MYT1L: variants seen among roughly 807,000 people sequenced by gnomAD.
MYT1L encodes myelin transcription factor 1 like.
Under a neutral mutation model 126.7 loss-of-function variants are expected in MYT1L, and 12 were observed. The observed-to-expected ratio is 0.09, with a 90% CI of 0.06 to 0.15. The LOEUF (loss-of-function observed/expected upper bound fraction) is 0.15, where lower values mean the gene tolerates loss of function less well. Among genes scored for constraint, MYT1L ranks in the 10% least tolerant of loss-of-function variants. The pLI, the probability that MYT1L is intolerant of heterozygous loss-of-function variation, is 1.00. For missense variants in MYT1L, 979 were observed against 1,585.2 expected (o/e 0.62, Z 6.49); for synonymous variants, 541 against 604.2 (o/e 0.90, Z 1.53).
intron 21 of MYT1L, among the ~76,000 whole-genome samples, chr2:1,830,273 GTTCTC>G (rs745827164): frequency 4.6e-5 from 7 of 152,166 alleles, no homozygotes; most frequent in Non-Finnish European, 1.0e-4. Context: ...CAGGCAGGAA[GTTCTC>G]TTCTCTTTGC....
chr2:2,256,643 C>G (rs1029758451), intron 2 of MYT1L, among the ~76,000 whole-genome samples: 8 of 152,204 alleles, frequency 5.3e-5, no homozygotes, highest in Non-Finnish European at 8.8e-5. Flanking sequence ...TTCGAAGAAA[C>G]TGAGTGCAGG....
At chr2:2,279,828 G>A (rs534391069) in intron 2 of MYT1L, among the ~76,000 whole-genome samples, 2 of 152,268 alleles carry the variant, frequency 1.3e-5, no homozygotes, top group East Asian at 3.9e-4. Context: ...TCTTTCACTA[G>A]CTTCTTCTAA....
chr2:1,881,591 T>C (rs1053292386), intron 18 of MYT1L, among the ~76,000 whole-genome samples: 1 of 152,050 alleles, frequency 6.6e-6, no homozygotes, highest in Non-Finnish European at 1.5e-5. Context: ...AAAATGTAAA[T>C]GGTAGCACTG....
At position 1,943,454 on chromosome 2, in the gene MYT1L, C is replaced by T. The variant is rs2056891153; in HGVS notation, c.153-120G>A. The T allele has an allele frequency of 8.6e-7, 1 of 1,168,696 alleles. No individual in the cohort carries two copies. The highest frequency in any genetic ancestry group is 1.2e-6 in the Non-Finnish European group (1 of 859,618). 72.4% of individuals were successfully genotyped at this position (1,168,696 alleles called of 1,614,324 possible). A position where few individuals can be genotyped will look rare whatever the true frequency, so the allele number is the denominator to read the frequency against. On this transcript the variant is annotated intron_variant, in intron 8 of 24. Coordinates refer to ENST00000647738, the MANE Select transcript of MYT1L (RefSeq NM_001303052.2). This position sits in a 1 kb window ranked among gnomAD's most constrained non-coding sequence, Gnocchi z 4.4. ...GTACTTAAAGGCTTATCATGAATGTCATCAGCACAAACACCAGAGAGACAT... is the reference window on the plus strand; with the variant it reads ...GTACTTAAAGGCTTATCATGAATGTTATCAGCACAAACACCAGAGAGACAT...
rs960458325 is a variant in MYT1L, at chr2:1,929,410, G to A, written c.506-6147C>T. Among the ~76,000 whole-genome samples, 3 of 152,102 alleles carry A rather than the reference G, an allele frequency of 2.0e-5. No individual in the cohort carries two copies. Among genetic ancestry groups the A allele is most frequent in the Non-Finnish European group, 2.9e-5 (2 of 68,030 alleles). Reference sequence around the variant, plus strand: ...CTAACTCAGAGCCCTGCAGTTCAACGCAGGTGAAAGGGGAACATGGAGGGT... The same window carrying A: ...CTAACTCAGAGCCCTGCAGTTCAACACAGGTGAAAGGGGAACATGGAGGGT... On this transcript the variant is annotated intron_variant, in intron 9 of 24. Transcript: ENST00000647738. This position sits in a 1 kb window ranked among gnomAD's most constrained non-coding sequence, Gnocchi z 4.7.
chr2:2,092,866 G>A (rs1356454154), intron 3 of MYT1L, among the ~76,000 whole-genome samples: 1 of 152,190 alleles, frequency 6.6e-6, no homozygotes, highest in Admixed American at 6.5e-5. Flanking sequence ...AAAGACCCTT[G>A]TTTATGGTAT....
intron 5 of MYT1L, among the ~76,000 whole-genome samples, chr2:1,992,120 G>A (rs1484411468): frequency 6.6e-6 from 1 of 151,950 alleles, no homozygotes; most frequent in African/African-American, 2.4e-5. Context: ...CTTCCTCACC[G>A]TTTTGCAAAT....
At chr2:2,151,672 T>C (rs778736563) in intron 3 of MYT1L, among the ~76,000 whole-genome samples, 1 of 152,202 alleles carries the variant, frequency 6.6e-6, no homozygotes, top group African/African-American at 2.4e-5. Flanking sequence ...TTTTCCTATA[T>C]ATACATACCT....
intron 18 of MYT1L, among the ~76,000 whole-genome samples, chr2:1,870,383 G>A (rs1172444856): frequency 6.6e-6 from 1 of 152,128 alleles, no homozygotes; most frequent in Non-Finnish European, 1.5e-5. Context: ...GCTATGGAAA[G>A]GTCATGAATG....
At chr2:1,949,783 A>G (rs4241293) in intron 8 of MYT1L, among the ~76,000 whole-genome samples, 46,009 of 152,038 alleles carry the variant, frequency 0.3, 7,600 homozygotes, top group African/African-American at 0.45. Flanking sequence ...CTCTCCCACC[A>G]GAGAGCGGGG....
chr2:2,108,403 A>G (rs1231366417), intron 3 of MYT1L, among the ~76,000 whole-genome samples: 2 of 152,170 alleles, frequency 1.3e-5, no homozygotes, highest in African/African-American at 2.4e-5. Flanking sequence ...ACTCTATTCT[A>G]TGGAGGTTTT....
chr2:2,091,408 T>A (rs1026376459), intron 3 of MYT1L, among the ~76,000 whole-genome samples: 1 of 152,210 alleles, frequency 6.6e-6, no homozygotes, highest in Admixed American at 6.5e-5. Flanking sequence ...AACAGTAGGC[T>A]TGAAGTATTT....
At chr2:2,087,211 T>G (rs1303508360) in intron 3 of MYT1L, among the ~76,000 whole-genome samples, 4 of 152,242 alleles carry the variant, frequency 2.6e-5, no homozygotes, top group Middle Eastern at 3.4e-3. Flanking sequence ...TGATTACAGG[T>G]AGAGGCCAGG....
chr2:1,856,366 G>C (rs76086005), intron 18 of MYT1L, among the ~76,000 whole-genome samples: 1,670 of 152,316 alleles, frequency 0.011, 30 homozygotes, highest in African/African-American at 0.039. Flanking sequence ...GAGGTCATAA[G>C]ATGTGTCGGC....
At chr2:1,994,587 C>G (rs577970987) in intron 5 of MYT1L, among the ~76,000 whole-genome samples, 4 of 152,306 alleles carry the variant, frequency 2.6e-5, no homozygotes, top group South Asian at 4.1e-4. Flanking sequence ...GAAAAAAGCT[C>G]TCTTTGATAG....
chr2:1,917,305 A>G lies in MYT1L; in HGVS notation c.1518T>C (p.Cys506=), dbSNP rs371346121. The G allele has an allele frequency of 1.9e-6, 3 of 1,612,814 alleles. No individual in the cohort carries two copies. Among genetic ancestry groups the G allele is most frequent in the Non-Finnish European group, 1.7e-6 (2 of 1,178,998 alleles). The part of the protein sequence containing the change: ...PSRTEKKESK[C]PTPGCDGTGH... The stretch of plus-strand genomic sequence containing the variant: ...CGGTTCCATCACACCCGGGGGTTGG[A>G]CACTTGCTCTCTTTCTTTTCTGTTC... Residue 506 remains cysteine (C), a synonymous_variant, in exon 11 of 25, where the codon TGT becomes TGC. Coordinates refer to ENST00000647738, the MANE Select transcript of MYT1L (RefSeq NM_001303052.2). This position sits in a 1 kb window ranked among gnomAD's most constrained non-coding sequence, Gnocchi z 5.9.
At chr2:1,817,901 T>C (rs1304006185) in intron 21 of MYT1L, among the ~76,000 whole-genome samples, 1 of 152,106 alleles carries the variant, frequency 6.6e-6, no homozygotes, top group Non-Finnish European at 1.5e-5. Flanking sequence ...TGCTGCTGAG[T>C]GTAGGTTTGG....
intron 21 of MYT1L, among the ~76,000 whole-genome samples, chr2:1,815,199 C>T (rs2037429560): frequency 6.6e-6 from 1 of 152,190 alleles, no homozygotes; most frequent in African/African-American, 2.4e-5. Context: ...AGGCCTGGCT[C>T]TCTGGGGCAC....
In MYT1L at chr2:1,990,397, TGTAAATAAGAGAC is replaced by T. The variant is rs1230981067; in HGVS notation, c.-1+6781_-1+6793del. On this transcript the variant is annotated intron_variant, in intron 5 of 24. Transcript: ENST00000647738. ...TTCCTCAATTTGTGGCATGGTTTCT[TGTAAATAAGAGAC>T]CCTCAGGAAATCACGAGGAAGACAG... 5.3e-5 allele frequency among the ~76,000 whole-genome samples: 8 copies of T among 152,330 alleles called. No homozygotes were observed. The East Asian group carries it at 1.5e-3, about 29-fold the overall frequency.
Sources: gnomAD v4.1 joint callset for allele counts (sites outside exome capture counted in the v4.1 genomes callset) on GRCh38, gnomAD v4.1.1 for gene constraint, Gnocchi (gnomAD v3.1) non-coding constraint, MANE v1.5 for transcripts, NCBI Gene and HGNC (gene_info 2026-07-23, HGNC 2026-07-21) for gene names.